The following KIAA1217 variants were observed in gnomAD, a reference collection of about 807,000 sequenced individuals.
KIAA1217 encodes KIAA1217, also known as sickle tail protein homolog.
KIAA1217 carries 88 observed loss-of-function variants against 163.9 expected under a neutral mutation model. The ratio of observed to expected loss-of-function variants is 0.54; its 90% confidence interval spans 0.45 to 0.64. KIAA1217 has a LOEUF of 0.64. Ranked by LOEUF, KIAA1217 falls within the 30% of genes least tolerant of loss-of-function variation. The probability of loss-of-function intolerance (pLI) is 0.00; values close to 1 mark genes in which losing one functional copy is unlikely to be tolerated. For missense variants in KIAA1217, 2,372 were observed against 2,475.0 expected, an observed-to-expected ratio of 0.96 and a Z score of 0.88; for synonymous variants, 903 against 923.1, an observed-to-expected ratio of 0.98 and a Z score of 0.39.
chr10:23,820,286 C>T (rs948653913), intron 1 of KIAA1217, among the ~76,000 whole-genome samples: 4 of 152,152 alleles, frequency 2.6e-5, no homozygotes, highest in South Asian at 2.1e-4. Context: ...GGACAGAGGC[C>T]TACTAGCTCT....
At position 24,544,342 on chromosome 10, in the gene KIAA1217, C is replaced by T. The variant is rs886852588; in HGVS notation, c.5072C>T (p.Thr1691Ile). ...ATGAGTCCCAAAGCCCTAGTTGATACCTCATGTTCTTCCAACAGAGATTCT... is the reference window on the plus strand; with the variant it reads ...ATGAGTCCCAAAGCCCTAGTTGATATCTCATGTTCTTCCAACAGAGATTCT... ...SEMSPKALVD[T>I]SCSSNRDSVA... The change falls in exon 19 of 21, where the codon ACC becomes ATC. Residue 1691 changes from threonine (T) to isoleucine (I), a missense_variant. By Grantham distance (89) the Thr-to-Ile change is moderately conservative. This residue lies in a region of KIAA1217 where 690 missense variants were observed against 677.5 expected (regional missense o/e 1.02). Transcript: ENST00000376454. 4.3e-6 allele frequency: 7 copies of T among 1,614,002 alleles called. No individual in the cohort carries two copies. The African/African-American group carries it at 9.3e-5, about 22-fold the overall frequency.
At chr10:23,721,467 T>C (rs1462834622) in intron 1 of KIAA1217, among the ~76,000 whole-genome samples, 2 of 152,140 alleles carry the variant, frequency 1.3e-5, no homozygotes. Flanking sequence ...TAAATACTCA[T>C]AGCATCTTTT....
chr10:23,703,844 C>T (rs946402818), intron 1 of KIAA1217, among the ~76,000 whole-genome samples: 4 of 151,798 alleles, frequency 2.6e-5, no homozygotes, highest in East Asian at 1.9e-4. Context: ...CTTTGCAGTC[C>T]GCACTGATTT....
intron 2 of KIAA1217, among the ~76,000 whole-genome samples, chr10:24,274,126 C>T (rs896330188): frequency 6.6e-6 from 1 of 152,164 alleles, no homozygotes; most frequent in Admixed American, 6.5e-5. Context: ...TGAAAAGTGA[C>T]TGATGCTTAT....
At chr10:24,136,004 T>A (rs1191820592) in intron 2 of KIAA1217, among the ~76,000 whole-genome samples, 1 of 152,198 alleles carries the variant, frequency 6.6e-6, no homozygotes, top group African/African-American at 2.4e-5. Flanking sequence ...TGGAGACAAT[T>A]TTAACATTTG....
chr10:24,352,503 C>CTT (rs200657968), intron 2 of KIAA1217, among the ~76,000 whole-genome samples: 1 of 151,614 alleles, frequency 6.6e-6, no homozygotes, highest in South Asian at 2.1e-4. Flanking sequence ...AAAGTATAAT[C>CTT]TTTTTTTTTG....
intron 1 of KIAA1217, among the ~76,000 whole-genome samples, chr10:23,748,439 TGGAAGGAA>T (rs1191194593): frequency 7.5e-6 from 1 of 133,762 alleles, no homozygotes; most frequent in Non-Finnish European, 1.5e-5. Flanking sequence ...GAAATGCTTC[TGGAAGGAA>T]GGAAGGAAGG....
intron 1 of KIAA1217, among the ~76,000 whole-genome samples, chr10:23,696,397 G>T (rs763067569): frequency 6.6e-6 from 1 of 152,318 alleles, no homozygotes; most frequent in Non-Finnish European, 1.5e-5. Context: ...TGTGCTTCGG[G>T]AATGGAAATC....
intron 6 of KIAA1217, among the ~76,000 whole-genome samples, chr10:24,485,558 C>T (rs10828657): frequency 0.2 from 30,022 of 152,052 alleles, 3,187 homozygotes; most frequent in South Asian, 0.37. Context: ...CGCAGTCTCC[C>T]GTGCCCCAGA....
intron 2 of KIAA1217, among the ~76,000 whole-genome samples, chr10:24,277,366 G>T (rs945810402): frequency 1.3e-5 from 2 of 152,122 alleles, no homozygotes; most frequent in Admixed American, 1.3e-4. Context: ...TCTTCTTAGC[G>T]GCTTCCTAGA....
At chr10:23,911,025 C>A (rs796166861) in intron 1 of KIAA1217, among the ~76,000 whole-genome samples, 5 of 152,310 alleles carry the variant, frequency 3.3e-5, no homozygotes, top group African/African-American at 1.2e-4. Context: ...GCCACCAACA[C>A]TTAATGTCTA....
intron 2 of KIAA1217, among the ~76,000 whole-genome samples, chr10:24,286,455 TACAC>T (rs564445274): frequency 2.0e-5 from 3 of 150,148 alleles, no homozygotes; most frequent in African/African-American, 7.3e-5. Context: ...TATATATATA[TACAC>T]ACACACACAC....
At chr10:24,002,387 C>T (rs1846782601) in intron 1 of KIAA1217, among the ~76,000 whole-genome samples, 1 of 152,100 alleles carries the variant, frequency 6.6e-6, no homozygotes, top group South Asian at 2.1e-4. Context: ...ACTCAGATTG[C>T]CCCCACCTCT....
intron 1 of KIAA1217, among the ~76,000 whole-genome samples, chr10:23,723,914 C>T (rs1001865465): frequency 3.3e-5 from 5 of 152,128 alleles, no homozygotes; most frequent in Non-Finnish European, 5.9e-5. Flanking sequence ...GCAGGCTGCA[C>T]AGAAAGTATA....
At chr10:24,160,111 C>T (rs118006611) in intron 2 of KIAA1217, among the ~76,000 whole-genome samples, 2,014 of 152,212 alleles carry the variant, frequency 0.013, 19 homozygotes, top group South Asian at 0.029. Context: ...GTCTGGATTA[C>T]GATAAATGCA....
At chr10:24,478,135 T>C (rs1200954955) in intron 6 of KIAA1217, among the ~76,000 whole-genome samples, 3 of 152,226 alleles carry the variant, frequency 2.0e-5, no homozygotes, top group Non-Finnish European at 2.9e-5. Context: ...TGGGTTCTTA[T>C]GCTGTTCTGA....
chr10:24,196,174 G>T (rs2066981473), intron 2 of KIAA1217, among the ~76,000 whole-genome samples: 2 of 138,746 alleles, frequency 1.4e-5, no homozygotes, highest in South Asian at 4.4e-4. Flanking sequence ...CACACACACT[G>T]CCCTCACAAG....
intron 2 of KIAA1217, among the ~76,000 whole-genome samples, chr10:24,334,559 C>A (rs2046112480): frequency 6.6e-6 from 1 of 152,082 alleles, no homozygotes. Flanking sequence ...CCATCTAAGT[C>A]CTTATAATAA....
chr10:24,173,726 G>C (rs1301356275), intron 2 of KIAA1217, among the ~76,000 whole-genome samples: 1 of 152,190 alleles, frequency 6.6e-6, no homozygotes, highest in Non-Finnish European at 1.5e-5. Flanking sequence ...AACTTCAAAA[G>C]CTTAGAATAC....
Sources: gnomAD v4.1 joint callset for allele counts (sites outside exome capture counted in the v4.1 genomes callset) on GRCh38, gnomAD v4.1.1 for gene constraint, gnomAD v4.1.1 regional missense constraint, MANE v1.5 for transcripts, NCBI Gene and HGNC (gene_info 2026-07-23, HGNC 2026-07-21) for gene names.